The following FGD6 variants were observed in gnomAD, a reference collection of about 807,000 sequenced individuals.
FGD6 encodes the protein FYVE, RhoGEF and PH domain-containing protein 6.
A neutral mutation model predicts 149.4 loss-of-function variants in FGD6; 90 were observed. The observed-to-expected ratio is 0.60, with a 90% CI of 0.51 to 0.72. The LOEUF is 0.72. Ranked by LOEUF, FGD6 falls within the 30% of genes least tolerant of loss-of-function variation. FGD6 has a pLI of 0.00. For synonymous variants in FGD6, 527 were observed against 584.0 expected (o/e 0.90, Z 1.41); for missense variants, 1,437 against 1,684.8 (o/e 0.85, Z 2.57).
intron 3 of FGD6, among the ~76,000 whole-genome samples, chr12:95,162,430 A>G (rs1254725243): frequency 6.6e-6 from 1 of 152,122 alleles, no homozygotes; most frequent in Admixed American, 6.5e-5. Flanking sequence ...GGGAGGCTGA[A>G]GCATGAGAGT....
At chr12:95,095,184 A>AT (rs1430008411) in intron 14 of FGD6, among the ~76,000 whole-genome samples, 1 of 152,086 alleles carries the variant, frequency 6.6e-6, no homozygotes, top group African/African-American at 2.4e-5. Context: ...AAGGGAACAT[A>AT]TTTTTTTGTA....
intron 8 of FGD6, among the ~76,000 whole-genome samples, chr12:95,132,098 C>A (rs1879537529): frequency 6.6e-6 from 1 of 152,058 alleles, no homozygotes; most frequent in Admixed American, 6.6e-5. Flanking sequence ...TAAGAGGTAG[C>A]TCAAACTAAA....
chr12:95,113,223 C>A (rs1013779982), intron 9 of FGD6, among the ~76,000 whole-genome samples: 1 of 139,208 alleles, frequency 7.2e-6, no homozygotes. Context: ...TCCAGGAAGG[C>A]CTCAAGTCTT....
chr12:95,105,132 C>T lies in FGD6; in HGVS notation c.3418-46G>A. On this transcript the variant is annotated intron_variant, in intron 13 of 20. Coordinates refer to ENST00000343958, the MANE Select transcript of FGD6 (RefSeq NM_018351.4). ...TTGAGCCGACTCATCCTACTGAAAA[C>T]CATATCAATGAGCTGAAGTTGTCCA... The T allele has an allele frequency of 2.0e-6, 3 of 1,538,224 alleles. No homozygotes were observed. In the South Asian group the frequency reaches 3.6e-5, roughly 18 times the overall value.
chr12:95,216,023 G>C (rs1389468315), intron 1 of FGD6, among the ~76,000 whole-genome samples: 1 of 152,198 alleles, frequency 6.6e-6, no homozygotes, highest in Non-Finnish European at 1.5e-5. Flanking sequence ...AAAGAAAAGA[G>C]AGTTTATAAA....
intron 2 of FGD6, among the ~76,000 whole-genome samples, chr12:95,187,646 C>A (rs1261607437): frequency 6.9e-6 from 1 of 144,612 alleles, no homozygotes. Context: ...AGCGAGGCTG[C>A]GTCCCCAAAA....
Position 95,211,108 on chromosome 12 carries a change from A to G in FGD6, c.176T>C (p.Leu59Pro). 6.2e-7 allele frequency: 1 copy of G among 1,614,204 alleles called. No individual in the cohort carries two copies. Among genetic ancestry groups the G allele is most frequent in the Non-Finnish European group, 8.5e-7 (1 of 1,180,042 alleles). Reference sequence around the variant, plus strand: ...AATCTCTCGAACAGGTGAGGTCTTCAGGACTTTTGGTTTTGGGGCTATTGC... The same window carrying G: ...AATCTCTCGAACAGGTGAGGTCTTCGGGACTTTTGGTTTTGGGGCTATTGC... ...KPAIAPKPKV[L>P]KTSPVREIGQ... The change falls in exon 2 of 21, where the codon CTG (leucine) becomes CCG (proline). Residue 59 changes from leucine to proline, a missense_variant. Leu to Pro is a moderately conservative substitution (Grantham distance 98, BLOSUM62 -3). Transcript: ENST00000343958.
At chr12:95,169,233 GTCA>G (rs933623196) in intron 3 of FGD6, among the ~76,000 whole-genome samples, 10 of 149,236 alleles carry the variant, frequency 6.7e-5, no homozygotes, top group African/African-American at 2.2e-4. Context: ...AGTTATTACA[GTCA>G]ACAATTTATT....
chr12:95,149,112 C>CATATATTATATAAGATATAGCATATATT lies in FGD6; in HGVS notation c.2685+3698_2685+3699insAATATATGCTATATCTTATATAATATAT, dbSNP rs1565908663. Among the ~76,000 whole-genome samples, 2 of 3,536 alleles carry CATATATTATATAAGATATAGCATATATT rather than the reference C, an allele frequency of 5.7e-4. 1 individual carries two copies. The highest frequency in any genetic ancestry group is 0.023 in the Admixed American group (2 of 86). The allele number at this position is 3,536 out of a possible 152,430, so 2.3% of individuals were successfully genotyped here. ...ATTATATATATTATATAAGATATAG[C>CATATATTATATAAGATATAGCATATATT]ATATATTATATAATATATAGCATAT... is the stretch of plus-strand genomic sequence containing the variant. On this transcript the variant is annotated intron_variant, in intron 5 of 20. Coordinates refer to ENST00000343958, the MANE Select transcript of FGD6 (RefSeq NM_018351.4).
At chr12:95,211,572 C>A (rs1320314243) in intron 1 of FGD6, among the ~76,000 whole-genome samples, 1 of 145,356 alleles carries the variant, frequency 6.9e-6, no homozygotes, top group African/African-American at 2.5e-5. Context: ...CGGAGTCTTG[C>A]CCTGTCGCCC....
In FGD6 at chr12:95,210,324, T is replaced by C. The variant is rs764604234; in HGVS notation, c.960A>G (p.Thr320=). 3 of 1,614,136 alleles carry C rather than the reference T, an allele frequency of 1.9e-6. No homozygotes were observed. Among genetic ancestry groups the C allele is most frequent in the Non-Finnish European group, 8.5e-7 (1 of 1,180,028 alleles). Residue 320 remains threonine, a synonymous_variant, in exon 2 of 21, where the codon ACA becomes ACG. Transcript: ENST00000343958. ...TTTGGCGTAACAGACGAGCAGTTCG[T>C]GTCTTTCTGGGCTTGGGAGTTGGAA... is the stretch of plus-strand genomic sequence containing the variant. ...PKFPTPKPRK[T]RTARLLRQKC... is the part of the protein sequence containing the mutation.
chr12:95,116,718 T>C (rs1420277873), intron 8 of FGD6: 2 of 407,964 alleles, frequency 4.9e-6, no homozygotes, highest in East Asian at 7.2e-5. Context: ...AATATCTTTA[T>C]GGTCTACAAA....
At chr12:95,115,432 C>T (rs1207533726) in intron 8 of FGD6, among the ~76,000 whole-genome samples, 2 of 136,848 alleles carry the variant, frequency 1.5e-5, no homozygotes, top group African/African-American at 5.4e-5. Flanking sequence ...GGCAGGGTCT[C>T]GCTTTATTGC....
rs140090277 is a variant in FGD6, at chr12:95,203,411, G to A, written c.2441+5432C>T. ...TTGCAATCTGGCTCCTTCTCCAACA[G>A]TACCACTAAAACTGCTCTCACCAAC... On this transcript the variant is annotated intron_variant, in intron 2 of 20. Coordinates refer to ENST00000343958, the MANE Select transcript of FGD6 (RefSeq NM_018351.4). 2.3e-4 allele frequency among the ~76,000 whole-genome samples: 35 copies of A among 152,162 alleles called. No individual in the cohort carries two copies. The East Asian group carries it at 6.2e-3, about 27-fold the overall frequency.
intron 3 of FGD6, among the ~76,000 whole-genome samples, chr12:95,171,185 T>C (rs531067061): frequency 6.6e-6 from 1 of 152,280 alleles, no homozygotes; most frequent in South Asian, 2.1e-4. Flanking sequence ...TCATAGCTGG[T>C]GGATCTGGGA....
chr12:95,194,628 A>C, intron 2 of FGD6, among the ~76,000 whole-genome samples: 1 of 152,178 alleles, frequency 6.6e-6, no homozygotes, highest in Non-Finnish European at 1.5e-5. Context: ...GGGTGTGGGT[A>C]TAAAAGGACA....
At chr12:95,178,141 T>C (rs914165844) in intron 2 of FGD6, among the ~76,000 whole-genome samples, 3 of 152,104 alleles carry the variant, frequency 2.0e-5, no homozygotes, top group Non-Finnish European at 2.9e-5. Flanking sequence ...ATTTTCTCCA[T>C]CCCTTACTCA....
At chr12:95,100,622 G>A (rs978850043) in intron 14 of FGD6, 7 of 516,314 alleles carry the variant, frequency 1.4e-5, no homozygotes, top group African/African-American at 2.0e-5. Context: ...TCCCACCCTT[G>A]GGACTCTAAA....
intron 8 of FGD6, among the ~76,000 whole-genome samples, chr12:95,132,596 C>CA (rs1879553775): frequency 6.6e-6 from 1 of 151,808 alleles, no homozygotes; most frequent in Non-Finnish European, 1.5e-5. Flanking sequence ...ACTAAAAATA[C>CA]AAAAAATTAG....
Sources: gnomAD v4.1 joint callset for allele counts (sites outside exome capture counted in the v4.1 genomes callset) on GRCh38, gnomAD v4.1.1 for gene constraint, MANE v1.5 for transcripts, NCBI Gene and HGNC (gene_info 2026-07-23, HGNC 2026-07-21) for gene names.